COL24A1: variants seen among roughly 807,000 people sequenced by gnomAD.
COL24A1 encodes the protein collagen type XXIV alpha 1 chain.
Under a neutral mutation model 253.9 loss-of-function variants are expected in COL24A1, and 224 were observed. The observed-to-expected ratio is 0.88, with a 90% CI of 0.79 to 0.99. The LOEUF is 0.99. Ranked by LOEUF, COL24A1 falls within the 50% of genes least tolerant of loss-of-function variation. The pLI is 0.00. For missense variants in COL24A1, 2,131 were observed against 2,068.5 expected (o/e 1.03, Z -0.59); for synonymous variants, 685 against 673.7 (o/e 1.02, Z -0.26).
rs1181001829 is a variant in COL24A1 at position 85,797,207 on chromosome 1, C to CAAA, written c.3952-10749_3952-10747dup. Among the ~76,000 whole-genome samples, 527 of 65,712 alleles carry CAAA rather than the reference C, an allele frequency of 8.0e-3. 21 individuals carry two copies. The highest frequency in any genetic ancestry group is 0.058 in the Admixed American group (315 of 5,472). The allele number at this position is 65,712 out of a possible 152,430, so 43.1% of individuals were successfully genotyped here. A position where few individuals can be genotyped will look rare whatever the true frequency, so the allele number is the denominator to read the frequency against. On this transcript the variant is annotated intron_variant, in intron 47 of 59. Coordinates refer to ENST00000370571, the MANE Select transcript of COL24A1 (RefSeq NM_152890.7). ...TGGGCGACAGAGCGAGACTCCGTCT[C>CAAA]AAAAAAAAAAAAAAAAAAAAAAAGA...
chr1:85,870,025 A>G (rs1484341983), intron 35 of COL24A1, among the ~76,000 whole-genome samples: 1 of 152,160 alleles, frequency 6.6e-6, no homozygotes, highest in Non-Finnish European at 1.5e-5. Flanking sequence ...AATGGAAAAC[A>G]AAAAAAGGCA....
intron 55 of COL24A1, among the ~76,000 whole-genome samples, chr1:85,756,057 C>A (rs868374142): frequency 6.3e-4 from 60 of 95,808 alleles, no homozygotes; most frequent in African/African-American, 1.5e-3. Context: ...TACTAACAAC[C>A]AAAAAAAAAA....
intron 14 of COL24A1, among the ~76,000 whole-genome samples, chr1:86,026,987 G>A (rs77366239): frequency 0.087 from 13,206 of 152,200 alleles, 704 homozygotes; most frequent in Middle Eastern, 0.19. Context: ...GTGGCATTTT[G>A]CCCTGCCCTA....
chr1:86,005,759 A>T (rs1695892945), intron 19 of COL24A1, among the ~76,000 whole-genome samples: 1 of 152,118 alleles, frequency 6.6e-6, no homozygotes. Flanking sequence ...ACAGATTGAG[A>T]ACAAAAATAT....
intron 47 of COL24A1, among the ~76,000 whole-genome samples, chr1:85,810,369 C>T (rs2101874770): frequency 6.6e-6 from 1 of 152,220 alleles, no homozygotes; most frequent in East Asian, 1.9e-4. Context: ...AATAACCTGC[C>T]CCTTATTTAG....
intron 24 of COL24A1, among the ~76,000 whole-genome samples, chr1:85,952,192 C>T (rs1690000922): frequency 6.6e-6 from 1 of 152,072 alleles, no homozygotes; most frequent in African/African-American, 2.4e-5. Context: ...TGTAGAAATG[C>T]TTTGATCTGT....
intron 53 of COL24A1, among the ~76,000 whole-genome samples, chr1:85,765,976 A>T (rs1667324496): frequency 6.6e-6 from 1 of 152,158 alleles, no homozygotes; most frequent in Non-Finnish European, 1.5e-5. Context: ...GCAGTAACAC[A>T]ACAGTTTTGA....
At chr1:85,786,718 C>T (rs868679730) in intron 47 of COL24A1, among the ~76,000 whole-genome samples, 17 of 152,088 alleles carry the variant, frequency 1.1e-4, no homozygotes, top group Non-Finnish European at 4.4e-5. Flanking sequence ...ATACGAAGTC[C>T]ACCAGTACCT....
At chr1:85,876,018 T>C (rs999474429) in intron 33 of COL24A1, among the ~76,000 whole-genome samples, 3 of 151,998 alleles carry the variant, frequency 2.0e-5, no homozygotes, top group Non-Finnish European at 4.4e-5. Flanking sequence ...GGTGAACAGG[T>C]CTGCAGAAAT....
chr1:85,789,434 GC>G (rs1670038351), intron 47 of COL24A1, among the ~76,000 whole-genome samples: 1 of 152,100 alleles, frequency 6.6e-6, no homozygotes, highest in Non-Finnish European at 1.5e-5. Flanking sequence ...TGCTGAAGTT[GC>G]TTCTCAGCTT....
intron 7 of COL24A1, among the ~76,000 whole-genome samples, chr1:86,086,263 G>A (rs745514652): frequency 2.0e-5 from 3 of 152,052 alleles, no homozygotes; most frequent in Non-Finnish European, 4.4e-5. Context: ...AAATACCACT[G>A]TCTAACAAAT....
At chr1:85,817,328 A>G (rs2101932230) in intron 46 of COL24A1, among the ~76,000 whole-genome samples, 2 of 152,320 alleles carry the variant, frequency 1.3e-5, no homozygotes, top group Admixed American at 1.3e-4. Context: ...GCCACTTTGA[A>G]TCAGATAATT....
chr1:85,906,235 C>G (rs1156828930), intron 28 of COL24A1, among the ~76,000 whole-genome samples: 2 of 115,784 alleles, frequency 1.7e-5, no homozygotes, highest in Non-Finnish European at 3.5e-5. Context: ...ACAATTTTCT[C>G]CCATTTGCCA....
At chr1:86,094,459 A>T (rs759443412) in intron 5 of COL24A1, among the ~76,000 whole-genome samples, 1 of 151,180 alleles carries the variant, frequency 6.6e-6, no homozygotes, top group African/African-American at 2.4e-5. Flanking sequence ...ACATGGACAC[A>T]GAGAGGGGAA....
chr1:85,799,117 C>T (rs1196869557), intron 47 of COL24A1, among the ~76,000 whole-genome samples: 1 of 151,800 alleles, frequency 6.6e-6, no homozygotes, highest in Non-Finnish European at 1.5e-5. Flanking sequence ...TGAGCCTCCC[C>T]TGTACTGTCC....
chr1:85,863,742 T>C (rs1679443565), intron 37 of COL24A1, among the ~76,000 whole-genome samples: 1 of 151,816 alleles, frequency 6.6e-6, no homozygotes, highest in Non-Finnish European at 1.5e-5. Context: ...GTGGGCAAAG[T>C]GAACAGACAC....
intron 14 of COL24A1, among the ~76,000 whole-genome samples, chr1:86,024,266 C>A (rs1697815127): frequency 6.6e-6 from 1 of 152,242 alleles, no homozygotes; most frequent in South Asian, 2.1e-4. Context: ...GTACATGGCA[C>A]TGTACTTTTT....
chr1:85,988,336 G>T (rs2100931663), intron 19 of COL24A1, among the ~76,000 whole-genome samples: 1 of 151,804 alleles, frequency 6.6e-6, no homozygotes, highest in South Asian at 2.1e-4. Context: ...TTACTTTTTT[G>T]GAAATTATAT....
chr1:85,883,396 T>C (rs1682103110), intron 32 of COL24A1, among the ~76,000 whole-genome samples: 1 of 151,890 alleles, frequency 6.6e-6, no homozygotes, highest in African/African-American at 2.4e-5. Context: ...ATTTTTGCGT[T>C]TTTTGGTAGA....
Sources: allele counts gnomAD v4.1 joint callset (sites outside exome capture counted in the v4.1 genomes callset), GRCh38; gene constraint gnomAD v4.1.1; transcripts MANE v1.5; gene names NCBI Gene and HGNC (gene_info 2026-07-23, HGNC 2026-07-21).